Variants in CFAP70 observed in about 807,000 individuals in gnomAD.
CFAP70 encodes cilia and flagella associated protein 70, also known as cilia- and flagella-associated protein 70.
Under a neutral mutation model 137.6 loss-of-function variants are expected in CFAP70, and 81 were observed. The observed-to-expected ratio is 0.59, with a 90% CI of 0.49 to 0.71. The LOEUF is 0.71. CFAP70 is among the 30% of genes least tolerant of loss of function. The pLI is 0.00. For missense variants in CFAP70, 976 were observed against 1,226.7 expected, an observed-to-expected ratio of 0.80 and a Z score of 3.05; for synonymous variants, 382 against 423.6, an observed-to-expected ratio of 0.90 and a Z score of 1.20.
chr10:73,293,580 G>A, intron 15 of CFAP70, 192 bp from the exon 17 acceptor site: 2 of 455,510 alleles, frequency 4.4e-6, no homozygotes, highest in East Asian at 7.2e-5. Context: ...GGGTGAAGGA[G>A]AAGCTCAGGT....
chr10:73,319,715 A>C (rs1349014361), intron 9 of CFAP70, among the ~76,000 whole-genome samples: 2 of 152,176 alleles, frequency 1.3e-5, no homozygotes, highest in African/African-American at 4.8e-5. Context: ...ATGTGGTTTT[A>C]CTGTACCAGG....
chr10:73,354,082 C>T (rs2054487228), intron 2 of CFAP70, among the ~76,000 whole-genome samples: 1 of 152,066 alleles, frequency 6.6e-6, no homozygotes, highest in Non-Finnish European at 1.5e-5. Context: ...TGCAGTGGCG[C>T]GATCTCAGCT....
intron 6 of CFAP70, among the ~76,000 whole-genome samples, chr10:73,336,402 A>G (rs547564115): frequency 4.6e-5 from 7 of 152,264 alleles, no homozygotes; most frequent in African/African-American, 1.2e-4. Context: ...TGATGAGAAA[A>G]GATAATGCAC....
At chr10:73,354,971 T>C in intron 1 of CFAP70, 136 bp from the exon 2 acceptor site, 2 of 603,192 alleles carry the variant, frequency 3.3e-6, no homozygotes, top group Non-Finnish European at 2.9e-6. Flanking sequence ...ATATCCAACC[T>C]TTGCTGTTGG....
At chr10:73,305,806 T>G (rs1344661794) in intron 12 of CFAP70, among the ~76,000 whole-genome samples, 1 of 152,140 alleles carries the variant, frequency 6.6e-6, no homozygotes, top group Non-Finnish European at 1.5e-5. Context: ...AATAAAAGTA[T>G]GACTCTTTCA....
At chr10:73,326,193 T>C (rs376164298) in intron 8 of CFAP70, among the ~76,000 whole-genome samples, 6 of 151,916 alleles carry the variant, frequency 3.9e-5, no homozygotes, top group Non-Finnish European at 7.4e-5. Context: ...CACTCAAAAC[T>C]GCTCAACTAC....
At chr10:73,282,635 G>T (rs201197798) in intron 19 of CFAP70, among the ~76,000 whole-genome samples, 1 of 121,954 alleles carries the variant, frequency 8.2e-6, no homozygotes. Context: ...TCCTGACCTA[G>T]GATGATCTGC....
At chr10:73,328,997 C>T (rs1210261759) in intron 8 of CFAP70, among the ~76,000 whole-genome samples, 7 of 150,704 alleles carry the variant, frequency 4.6e-5, no homozygotes, top group African/African-American at 1.7e-4. Context: ...TGGGTATATA[C>T]CCAAAGGACT....
chr10:73,338,430 CTCT>C (rs1264474873), intron 6 of CFAP70, among the ~76,000 whole-genome samples: 1 of 135,352 alleles, frequency 7.4e-6, no homozygotes, highest in African/African-American at 2.8e-5. Context: ...ATATGTGAAT[CTCT>C]TTTTTTTTTT....
intron 25 of CFAP70, 87 bp from the exon 27 acceptor site, chr10:73,256,503 CCTACACCTAAGGCAGAGGCTT>C: frequency 1.5e-6 from 2 of 1,360,730 alleles, no homozygotes; most frequent in Non-Finnish European, 2.1e-6. Context: ...GGCAGAGGCA[CCTACACCTAAGGCAGAGGCTT>C]CTACACCTTC....
chr10:73,297,290 T>A, intron 14 of CFAP70, 117 bp from the exon 16 acceptor site: 3 of 1,044,118 alleles, frequency 2.9e-6, no homozygotes, highest in Non-Finnish European at 4.0e-6. Context: ...GCGATTGATT[T>A]CTCCCTTGGT....
At chr10:73,348,056 T>C in intron 4 of CFAP70, 100 bp downstream of exon 5, 2 of 1,011,944 alleles carry the variant, frequency 2.0e-6, no homozygotes. Flanking sequence ...GAAAAGAAAA[T>C]GCCCAATGCA....
chr10:73,303,880 T>C (rs921349869), intron 12 of CFAP70, among the ~76,000 whole-genome samples: 1 of 152,224 alleles, frequency 6.6e-6, no homozygotes, highest in Non-Finnish European at 1.5e-5. Flanking sequence ...TTGTGACTAA[T>C]GTGCTTCTTC....
At chr10:73,257,464 G>T (rs957686757) in intron 25 of CFAP70, among the ~76,000 whole-genome samples, 1 of 152,204 alleles carries the variant, frequency 6.6e-6, no homozygotes, top group Non-Finnish European at 1.5e-5. Flanking sequence ...TTGCTACATA[G>T]TTACTTAGAG....
At chr10:73,310,077 T>C in intron 12 of CFAP70, 81 bp downstream of exon 13, 1 of 852,628 alleles carries the variant, frequency 1.2e-6, no homozygotes, top group East Asian at 2.7e-5. Context: ...CCAAGGGAAA[T>C]TACAATCGTG....
At chr10:73,282,346 G>C (rs1033702650) in intron 19 of CFAP70, among the ~76,000 whole-genome samples, 1 of 151,826 alleles carries the variant, frequency 6.6e-6, no homozygotes, top group Admixed American at 6.6e-5. Context: ...AGAAAGGAAT[G>C]AACATCACAA....
chr10:73,330,743 G>C (rs538728079), intron 8 of CFAP70, among the ~76,000 whole-genome samples: 1 of 152,016 alleles, frequency 6.6e-6, no homozygotes, highest in East Asian at 1.9e-4. Context: ...ACATGCACAG[G>C]TAAAACAATA....
At chr10:73,308,089 A>G (rs1237195209) in intron 12 of CFAP70, among the ~76,000 whole-genome samples, 1 of 151,980 alleles carries the variant, frequency 6.6e-6, no homozygotes, top group East Asian at 1.9e-4. Context: ...CGGGAGGCAG[A>G]GGTTGCGGTG....
Position 73,291,866 on chromosome 10 carries a change from CCCTT to C in CFAP70, c.1904+11_1904+14del. 6.2e-7 allele frequency: 1 copy of C among 1,614,074 alleles called. No homozygotes were observed. The highest frequency in any genetic ancestry group is 8.5e-7 in the Non-Finnish European group (1 of 1,179,956). On this transcript the variant is annotated intron_variant, in intron 17 of 26. Coordinates refer to ENST00000310715, the Ensembl canonical transcript of CFAP70. ...GTTCCTTCCCACTGATTCCTCATCT[CCCTT>C]CCACCTATACCTGTGGATATGACTC... is the stretch of plus-strand genomic sequence containing the variant.
Sources: gnomAD v4.1 joint callset for allele counts (sites outside exome capture counted in the v4.1 genomes callset) on GRCh38, gnomAD v4.1.1 for gene constraint, MANE v1.5 for transcripts, NCBI Gene and HGNC (gene_info 2026-07-23, HGNC 2026-07-21) for gene names.